DNAH9: variants seen among roughly 807,000 people sequenced by gnomAD.
DNAH9 encodes DNAH9 variant protein.
Under a neutral mutation model 471.6 loss-of-function variants are expected in DNAH9, and 345 were observed. That is an observed-to-expected ratio of 0.73 (90% CI 0.67 to 0.80). DNAH9 has a LOEUF of 0.80. DNAH9 is among the 30% of genes least tolerant of loss of function. DNAH9 has a pLI of 0.00. For missense variants in DNAH9, 5,407 were observed against 5,609.2 expected (o/e 0.96, Z 1.15); for synonymous variants, 2,093 against 2,123.6 (o/e 0.99, Z 0.40).
intron 61 of DNAH9, among the ~76,000 whole-genome samples, chr17:11,912,546 T>G (rs1396099376): frequency 6.6e-6 from 1 of 152,210 alleles, no homozygotes; most frequent in Non-Finnish European, 1.5e-5. Context: ...CAAATGCTTT[T>G]TCTGCATATA....
intron 43 of DNAH9, among the ~76,000 whole-genome samples, chr17:11,798,380 C>T (rs899516141): frequency 7.3e-6 from 1 of 136,158 alleles, no homozygotes; most frequent in Non-Finnish European, 1.5e-5. Flanking sequence ...TTGCAGTGGG[C>T]CAAGATGGCG....
At position 11,664,897 on chromosome 17, in the gene DNAH9, T is replaced by C; in HGVS notation, c.2660T>C (p.Ile887Thr). The change falls in exon 15 of 69, where the codon ATT becomes ACT. Residue 887 changes from isoleucine to threonine, a missense_variant. Around this residue, in one of 3 missense-constraint regions of DNAH9, gnomAD observed 4,636 missense variants for 4,900.3 expected, o/e 0.95. Coordinates refer to ENST00000262442, the MANE Select transcript of DNAH9 (RefSeq NM_001372.4). The part of the protein sequence containing the change: ...SNIWKTYVNS[I>T]DNLLLNGFFL... ...ATCTGGAAGACTTATGTTAACTCTA[T>C]TGACAATTTGTTGCTGAATGGATTC... The C allele has an allele frequency of 1.2e-6, 2 of 1,612,896 alleles. No individual in the cohort carries two copies. Among genetic ancestry groups the C allele is most frequent in the Non-Finnish European group, 1.7e-6 (2 of 1,178,928 alleles).
intron 17 of DNAH9, among the ~76,000 whole-genome samples, chr17:11,670,767 G>C (rs1044652809): frequency 2.0e-5 from 3 of 151,232 alleles, no homozygotes; most frequent in African/African-American, 7.3e-5. Flanking sequence ...GCAATGGCAC[G>C]ATCTCTGCTC....
At chr17:11,789,623 T>C (rs1968995873) in intron 41 of DNAH9, among the ~76,000 whole-genome samples, 1 of 152,040 alleles carries the variant, frequency 6.6e-6, no homozygotes, top group Non-Finnish European at 1.5e-5. Flanking sequence ...CTGAAGGGTA[T>C]ACCTGCATTA....
intron 23 of DNAH9, 54 bp downstream of exon 23, chr17:11,699,937 T>C: frequency 6.3e-7 from 1 of 1,578,192 alleles, no homozygotes; most frequent in Admixed American, 1.7e-5. Flanking sequence ...AATGCCTTCA[T>C]TCAAATATGA....
At chr17:11,927,659 C>G (rs1217607387) in intron 62 of DNAH9, among the ~76,000 whole-genome samples, 2 of 152,154 alleles carry the variant, frequency 1.3e-5, no homozygotes, top group East Asian at 3.8e-4. Context: ...GACCCTGACC[C>G]AGATGAACTA....
In DNAH9 at chr17:11,875,150, G is replaced by A. The variant is rs1972426342; in HGVS notation, c.10444G>A (p.Glu3482Lys). 1.9e-6 allele frequency: 3 copies of A among 1,614,006 alleles called. No homozygotes were observed. In the African/African-American group the frequency reaches 4.0e-5, roughly 22 times the overall value. Reference sequence around the variant, plus strand: ...CAAATGGATCAAGAATAAATATGGTGAAGATCTCCGGGTCACGCAGATTGG... The same window carrying A: ...CAAATGGATCAAGAATAAATATGGTAAAGATCTCCGGGTCACGCAGATTGG... ...GIKWIKNKYG[E>K]DLRVTQIGQK... is the part of the protein sequence containing the mutation. Residue 3482 changes from glutamate to lysine, a missense_variant, in exon 53 of 69, where the codon GAA becomes AAA. By Grantham distance (56) the Glu-to-Lys change is moderately conservative (BLOSUM62 1). Around this residue, in one of 3 missense-constraint regions of DNAH9, gnomAD observed 4,636 missense variants for 4,900.3 expected, o/e 0.95. Coordinates refer to ENST00000262442, the MANE Select transcript of DNAH9 (RefSeq NM_001372.4).
chr17:11,720,289 T>G (rs1256116789), intron 27 of DNAH9, among the ~76,000 whole-genome samples: 2 of 152,154 alleles, frequency 1.3e-5, no homozygotes, highest in Non-Finnish European at 2.9e-5. Flanking sequence ...AGGGTACATG[T>G]GCACAACGTG....
chr17:11,817,550 G>A lies in DNAH9; in HGVS notation c.8708-4370G>A, dbSNP rs542737699. Among the ~76,000 whole-genome samples the A allele has an allele frequency of 2.7e-4, 41 of 152,290 alleles. 1 individual carries two copies. In the South Asian group the frequency reaches 8.5e-3, roughly 32 times the overall value. On this transcript the variant is annotated intron_variant, in intron 45 of 68. Transcript: ENST00000262442. ...GCTCTGTCCTTGTAGGGCAAAAATA[G>A]CCATAGATAATACCTAATGATCATG...
chr17:11,790,527 A>G (rs1465812389), intron 41 of DNAH9, among the ~76,000 whole-genome samples: 4 of 151,782 alleles, frequency 2.6e-5, no homozygotes, highest in African/African-American at 9.7e-5. Context: ...ACATGTTTTC[A>G]TTTTCTTGCA....
At chr17:11,748,167 A>G (rs1966976928) in intron 32 of DNAH9, among the ~76,000 whole-genome samples, 1 of 149,728 alleles carries the variant, frequency 6.7e-6, no homozygotes, top group African/African-American at 2.5e-5. Context: ...AAAAAAAAAA[A>G]AAAAAAAAAA....
At chr17:11,918,571 G>C (rs769650143) in intron 61 of DNAH9, among the ~76,000 whole-genome samples, 1 of 152,084 alleles carries the variant, frequency 6.6e-6, no homozygotes, top group Non-Finnish European at 1.5e-5. Flanking sequence ...GATAAGCTGA[G>C]GCAAGTACAG....
intron 35 of DNAH9, among the ~76,000 whole-genome samples, 198 bp from the exon 36 acceptor site, chr17:11,763,242 T>C (rs1967791137): frequency 6.6e-6 from 1 of 152,150 alleles, no homozygotes; most frequent in African/African-American, 2.4e-5. Context: ...CTCTGGGCCC[T>C]TACTTCCTTA....
rs761143241 is a variant in DNAH9 at position 11,727,844 on chromosome 17, T to C, written c.5736T>C (p.Leu1912=). 8 of 1,613,898 alleles carry C rather than the reference T, an allele frequency of 5.0e-6. No individual in the cohort carries two copies. The highest frequency in any genetic ancestry group is 1.7e-6 in the Non-Finnish European group (2 of 1,179,856). The change falls in exon 28 of 69, where the codon CTT becomes CTC. Residue 1912 remains leucine, a synonymous_variant. Coordinates refer to ENST00000262442, the MANE Select transcript of DNAH9 (RefSeq NM_001372.4). ...CTTGTGGCAACATCTACAAAGGCCT[T>C]GCTCAGACTGGTGCCTGGGGCTGCT... ...YKSCGNIYKG[L]AQTGAWGCFD...
At chr17:11,668,244 T>G (rs898164174) in intron 15 of DNAH9, among the ~76,000 whole-genome samples, 4 of 152,204 alleles carry the variant, frequency 2.6e-5, no homozygotes, top group Admixed American at 6.5e-5. Flanking sequence ...GAATTGTAAT[T>G]TCTCTTTGTG....
chr17:11,670,385 A>T (rs1457815180), intron 17 of DNAH9, among the ~76,000 whole-genome samples: 1 of 152,158 alleles, frequency 6.6e-6, no homozygotes, highest in Non-Finnish European at 1.5e-5. Context: ...CGGTCACTTT[A>T]CCTTGGCCTG....
intron 53 of DNAH9, 129 bp downstream of exon 53, chr17:11,875,313 C>G (rs1972433408): frequency 1.4e-6 from 1 of 721,782 alleles, no homozygotes; most frequent in South Asian, 1.9e-5. Flanking sequence ...TCTCACGTTT[C>G]TCCGTCCATT....
At position 11,932,422 on chromosome 17, in the gene DNAH9, G is replaced by C. The variant is rs557639653; in HGVS notation, c.12297+217G>C. Among the ~76,000 whole-genome samples, 14 of 152,280 alleles carry C rather than the reference G, an allele frequency of 9.2e-5. 1 individual carries two copies. The highest frequency in any genetic ancestry group is 3.4e-4 in the African/African-American group (14 of 41,556). ...CCCACTCCCCATTACCTGACAGCCA[G>C]ATTATTTGAAACCTTGATAGTACAA... On this transcript the variant is annotated intron_variant, in intron 64 of 68. Transcript: ENST00000262442. The surrounding 1 kb of genome is among the most constrained non-coding windows in gnomAD (Gnocchi z 4.3).
intron 49 of DNAH9, among the ~76,000 whole-genome samples, chr17:11,842,005 A>G (rs1035016213): frequency 6.6e-5 from 10 of 152,020 alleles, no homozygotes; most frequent in Non-Finnish European, 1.5e-4. Flanking sequence ...GTTTCTCATT[A>G]TAAACTTTTG....
Sources: allele counts gnomAD v4.1 joint callset (sites outside exome capture counted in the v4.1 genomes callset), GRCh38; gene constraint gnomAD v4.1.1; regional missense constraint gnomAD v4.1.1; non-coding constraint Gnocchi (gnomAD v3.1); transcripts MANE v1.5; gene names NCBI Gene and HGNC (gene_info 2026-07-23, HGNC 2026-07-21).